The following TRAPPC9 variants were observed in gnomAD, a reference collection of about 807,000 sequenced individuals.
TRAPPC9 encodes IKK2 binding protein.
TRAPPC9 carries 83 observed loss-of-function variants against 124.0 expected under a neutral mutation model. The observed-to-expected ratio is 0.67, with a 90% CI of 0.56 to 0.80. The LOEUF (loss-of-function observed/expected upper bound fraction) is 0.80. TRAPPC9 is among the 30% of genes least tolerant of loss of function. The pLI is 0.00. For missense variants in TRAPPC9, 1,302 were observed against 1,508.3 expected (o/e 0.86, Z 2.27); for synonymous variants, 638 against 617.5 (o/e 1.03, Z -0.49).
At chr8:139,792,050 C>G (rs1372188741) in intron 21 of TRAPPC9, among the ~76,000 whole-genome samples, 1 of 152,208 alleles carries the variant, frequency 6.6e-6, no homozygotes, top group Non-Finnish European at 1.5e-5. Context: ...AAAACAGGCT[C>G]TTGCCCGCCG....
chr8:139,888,422 G>A (rs115634766), intron 20 of TRAPPC9, among the ~76,000 whole-genome samples: 2,259 of 152,284 alleles, frequency 0.015, 58 homozygotes, highest in African/African-American at 0.052. Flanking sequence ...GCCGTCATGA[G>A]GAGTGCACGG....
chr8:139,832,474 G>T (rs1826057480), intron 21 of TRAPPC9, among the ~76,000 whole-genome samples: 1 of 152,220 alleles, frequency 6.6e-6, no homozygotes, highest in Non-Finnish European at 1.5e-5. Context: ...AGGGGAGGCT[G>T]GTGGGGGTGG....
At chr8:139,974,654 A>C (rs760255477) in intron 19 of TRAPPC9, among the ~76,000 whole-genome samples, 2 of 152,054 alleles carry the variant, frequency 1.3e-5, no homozygotes, top group African/African-American at 2.4e-5. Context: ...GGCCCACTAA[A>C]GCATCCCTGT....
At chr8:140,142,736 G>C (rs2061400959) in intron 17 of TRAPPC9, among the ~76,000 whole-genome samples, 1 of 152,204 alleles carries the variant, frequency 6.6e-6, no homozygotes, top group African/African-American at 2.4e-5. Context: ...ACAGTTGCAG[G>C]TTTTAATTTC....
At chr8:139,985,736 T>C (rs1355290322) in intron 19 of TRAPPC9, among the ~76,000 whole-genome samples, 1 of 152,150 alleles carries the variant, frequency 6.6e-6, no homozygotes, top group Non-Finnish European at 1.5e-5. Context: ...TTCATGCGTG[T>C]CATTAACAAT....
At chr8:140,120,816 CTAA>C (rs1394902833) in intron 17 of TRAPPC9, among the ~76,000 whole-genome samples, 1 of 151,450 alleles carries the variant, frequency 6.6e-6, no homozygotes, top group African/African-American at 2.4e-5. Context: ...ATTCATCCAT[CTAA>C]CATCCATCCA....
At chr8:140,344,539 T>C (rs1476348127) in intron 9 of TRAPPC9, among the ~76,000 whole-genome samples, 2 of 152,080 alleles carry the variant, frequency 1.3e-5, no homozygotes, top group East Asian at 3.9e-4. Context: ...GGAGGGAGAC[T>C]GATGGTAGCG....
At chr8:139,938,882 T>C (rs932239774) in intron 19 of TRAPPC9, among the ~76,000 whole-genome samples, 2 of 151,786 alleles carry the variant, frequency 1.3e-5, no homozygotes, top group African/African-American at 4.8e-5. Context: ...CCTGACCTCA[T>C]GATCCACCCG....
At chr8:140,256,604 C>T (rs1400425776) in intron 15 of TRAPPC9, among the ~76,000 whole-genome samples, 1 of 152,148 alleles carries the variant, frequency 6.6e-6, no homozygotes, top group African/African-American at 2.4e-5. Context: ...TCCCACAAGA[C>T]GCTGGAGTTC....
chr8:140,387,751 T>C (rs1472882341), intron 7 of TRAPPC9, among the ~76,000 whole-genome samples: 2 of 152,158 alleles, frequency 1.3e-5, no homozygotes, highest in Non-Finnish European at 2.9e-5. Context: ...ACGTGGAGAA[T>C]AGGAACACTT....
chr8:140,043,829 T>C lies in TRAPPC9; in HGVS notation c.2557-19750A>G, dbSNP rs1841414575. On this transcript the variant is annotated intron_variant, in intron 17 of 22. Coordinates refer to ENST00000438773, the MANE Select transcript of TRAPPC9 (RefSeq NM_001160372.4). ...CAGGCAAGTTCCCTAATTAGTGAGA[T>C]GGGGAAAGCATGGTGACGTGGGCCC... 2.0e-5 allele frequency among the ~76,000 whole-genome samples: 3 copies of C among 152,180 alleles called. No individual in the cohort carries two copies. The South Asian group carries it at 6.2e-4, about 32-fold the overall frequency.
At chr8:140,019,307 T>G (rs1839673849) in intron 18 of TRAPPC9, among the ~76,000 whole-genome samples, 1 of 152,124 alleles carries the variant, frequency 6.6e-6, no homozygotes, top group Non-Finnish European at 1.5e-5. Context: ...CAAGGTGATG[T>G]TGGTATCATA....
intron 17 of TRAPPC9, among the ~76,000 whole-genome samples, chr8:140,032,013 C>A (rs1840527494): frequency 1.3e-5 from 2 of 152,168 alleles, no homozygotes; most frequent in African/African-American, 4.8e-5. Flanking sequence ...GGGCGATGAG[C>A]CCAGTGCCAT....
chr8:140,289,490 T>A (rs2065587608), intron 12 of TRAPPC9, among the ~76,000 whole-genome samples: 1 of 152,198 alleles, frequency 6.6e-6, no homozygotes, highest in Admixed American at 6.5e-5. Context: ...ATGGTGGAGA[T>A]GCGAGTGTGT....
At chr8:140,078,492 T>C (rs770295776) in intron 17 of TRAPPC9, among the ~76,000 whole-genome samples, 8 of 152,048 alleles carry the variant, frequency 5.3e-5, no homozygotes, top group Non-Finnish European at 8.8e-5. Flanking sequence ...CTTCCAGATA[T>C]GGGACAGAAG....
chr8:139,999,366 A>G (rs1838245932), intron 18 of TRAPPC9, among the ~76,000 whole-genome samples: 1 of 152,212 alleles, frequency 6.6e-6, no homozygotes, highest in African/African-American at 2.4e-5. Flanking sequence ...TGATAAAAGC[A>G]TTAATTCACC....
intron 17 of TRAPPC9, among the ~76,000 whole-genome samples, chr8:140,180,053 T>C (rs867603413): frequency 7.5e-6 from 1 of 133,914 alleles, no homozygotes; most frequent in African/African-American, 2.7e-5. Context: ...TTGAAGCTCT[T>C]AGGTCATTTA....
intron 21 of TRAPPC9, among the ~76,000 whole-genome samples, chr8:139,845,313 C>G (rs1827003366): frequency 6.6e-6 from 1 of 152,126 alleles, no homozygotes; most frequent in Admixed American, 6.5e-5. Flanking sequence ...AATAGAGGCA[C>G]AAACTCTCGC....
intron 20 of TRAPPC9, among the ~76,000 whole-genome samples, chr8:139,898,815 TAC>T (rs1830828636): frequency 6.6e-6 from 1 of 151,692 alleles, no homozygotes; most frequent in Non-Finnish European, 1.5e-5. Flanking sequence ...GAGAAAAAAA[TAC>T]ACATTGAAAA....
Sources: gnomAD v4.1 joint callset for allele counts (sites outside exome capture counted in the v4.1 genomes callset) on GRCh38, gnomAD v4.1.1 for gene constraint, MANE v1.5 for transcripts, NCBI Gene and HGNC (gene_info 2026-07-23, HGNC 2026-07-21) for gene names.